The following RGS6 variants were observed in gnomAD, a reference collection of about 807,000 sequenced individuals.
RGS6 encodes regulator of G protein signaling 6, also known as regulator of G-protein signaling 6.
In RGS6, 30 loss-of-function variants were observed where a neutral mutation model predicts 78.5. That is an observed-to-expected ratio of 0.38 (90% CI 0.29 to 0.52). The LOEUF (loss-of-function observed/expected upper bound fraction) is 0.52. Among genes scored for constraint, RGS6 ranks in the 20% least tolerant of loss-of-function variants. The pLI is 0.85. For missense variants in RGS6, 495 were observed against 609.7 expected (o/e 0.81, Z 1.98); for synonymous variants, 206 against 206.0 (o/e 1.00, Z 0.00).
At chr14:72,222,973 C>T (rs892109961) in intron 2 of RGS6, among the ~76,000 whole-genome samples, 1 of 152,212 alleles carries the variant, frequency 6.6e-6, no homozygotes, top group African/African-American at 2.4e-5. Flanking sequence ...CTTCGTATCA[C>T]AAACTCCAAC....
intron 3 of RGS6, among the ~76,000 whole-genome samples, chr14:72,402,725 A>G (rs887103162): frequency 5.3e-5 from 8 of 151,638 alleles, no homozygotes; most frequent in Non-Finnish European, 8.8e-5. Flanking sequence ...TAGAACTACC[A>G]TACAACCCAG....
chr14:72,402,074 C>A (rs963974074), intron 3 of RGS6, among the ~76,000 whole-genome samples: 1 of 152,160 alleles, frequency 6.6e-6, no homozygotes, highest in Non-Finnish European at 1.5e-5. Context: ...CCAGCCAATC[C>A]GTGGGATCGG....
chr14:71,910,014 A>C, the RGS6 span, among the ~76,000 whole-genome samples: 1 of 151,924 alleles, frequency 6.6e-6, no homozygotes, highest in Non-Finnish European at 1.5e-5. Context: ...ATGATGAAAC[A>C]CTATCTCTAC....
intron 2 of RGS6, among the ~76,000 whole-genome samples, chr14:72,100,462 T>C (rs1393602723): frequency 6.6e-6 from 1 of 152,090 alleles, no homozygotes; most frequent in Non-Finnish European, 1.5e-5. Context: ...ACGACTGCAC[T>C]CCAGCCTGGG....
chr14:72,080,304 C>T (rs1476209581), intron 2 of RGS6, among the ~76,000 whole-genome samples: 1 of 151,796 alleles, frequency 6.6e-6, no homozygotes. Flanking sequence ...TTTTCATATA[C>T]CTGTTGGCCA....
At chr14:72,454,661 C>T in intron 4 of RGS6, 83 bp downstream of exon 4, 1 of 1,085,564 alleles carries the variant, frequency 9.2e-7, no homozygotes, top group South Asian at 1.4e-5. Flanking sequence ...ATTCCCCTGC[C>T]CTCCTGAGAA....
chr14:71,974,509 G>A (rs2094001568), intron 2 of RGS6, among the ~76,000 whole-genome samples: 2 of 152,102 alleles, frequency 1.3e-5, no homozygotes. Context: ...CTAATTTTAG[G>A]GGGATAGGAT....
chr14:72,264,439 T>G (rs1429722605), intron 2 of RGS6, among the ~76,000 whole-genome samples: 1 of 152,248 alleles, frequency 6.6e-6, no homozygotes, highest in Non-Finnish European at 1.5e-5. Flanking sequence ...AAAGCCACTA[T>G]GTATAAAATT....
chr14:71,963,183 G>C lies in RGS6; in HGVS notation c.-20-1589G>C, dbSNP rs1384193914. ...GTGTTTGGTATGTTTGTTTTAAAGGGAAATTAACAAAAGAAACCCAAAAGA... is the reference window on the plus strand; with the variant it reads ...GTGTTTGGTATGTTTGTTTTAAAGGCAAATTAACAAAAGAAACCCAAAAGA... On this transcript the variant is annotated intron_variant, in intron 1 of 17. Coordinates refer to ENST00000553525, the MANE Select transcript of RGS6 (RefSeq NM_001204424.2). 2.0e-5 allele frequency among the ~76,000 whole-genome samples: 3 copies of C among 152,096 alleles called. No homozygotes were observed. In the East Asian group the frequency reaches 5.8e-4, roughly 29 times the overall value.
intron 2 of RGS6, among the ~76,000 whole-genome samples, chr14:71,976,816 A>T (rs1365612674): frequency 6.7e-6 from 1 of 150,058 alleles, no homozygotes; most frequent in African/African-American, 2.4e-5. Flanking sequence ...TTCTAGTTCT[A>T]GATCCCTGAG....
intron 13 of RGS6, among the ~76,000 whole-genome samples, chr14:72,496,513 C>A (rs2096647501): frequency 6.6e-6 from 1 of 152,132 alleles, no homozygotes; most frequent in African/African-American, 2.4e-5. Flanking sequence ...CAACCTAATT[C>A]CAAAATTTAA....
intron 2 of RGS6, among the ~76,000 whole-genome samples, chr14:72,203,435 T>A (rs1373954659): frequency 3.3e-5 from 5 of 152,214 alleles, no homozygotes; most frequent in Admixed American, 3.3e-4. Context: ...CTCACAGCAC[T>A]GTGGGTAAAG....
intron 2 of RGS6, among the ~76,000 whole-genome samples, chr14:72,166,562 A>C (rs2096931079): frequency 6.6e-6 from 1 of 152,210 alleles, no homozygotes; most frequent in African/African-American, 2.4e-5. Context: ...AGCCAGGTGT[A>C]CTACTGAGGT....
chr14:72,445,804 A>G (rs935603854), intron 3 of RGS6, among the ~76,000 whole-genome samples: 1 of 152,208 alleles, frequency 6.6e-6, no homozygotes, highest in Non-Finnish European at 1.5e-5. Context: ...AGTGGGCATT[A>G]TGGGTTGAAT....
intron 2 of RGS6, among the ~76,000 whole-genome samples, chr14:72,034,155 G>T (rs1470521746): frequency 6.6e-6 from 1 of 152,046 alleles, no homozygotes; most frequent in Non-Finnish European, 1.5e-5. Context: ...ACTCCAATTT[G>T]GATGCCATTT....
At chr14:72,204,718 G>A (rs1014895857) in intron 2 of RGS6, among the ~76,000 whole-genome samples, 8 of 152,252 alleles carry the variant, frequency 5.3e-5, no homozygotes, top group Admixed American at 1.3e-4. Flanking sequence ...ATTCATGAGG[G>A]CTCTGTTCCC....
chr14:72,595,852 C>T, the RGS6 span, among the ~76,000 whole-genome samples: 6 of 152,172 alleles, frequency 3.9e-5, no homozygotes, highest in Non-Finnish European at 7.3e-5. Context: ...GTCTAGACTC[C>T]GCCCATTCGC....
Position 72,041,280 on chromosome 14 carries a change from G to C in RGS6, c.84+76405G>C, listed in dbSNP as rs114584320. Reference sequence around the variant, plus strand: ...GGCTAGAGATTCTGAGGGTCTCTGCGACCTTCTCTGGAGATGTGTCTTGTC... The same window carrying C: ...GGCTAGAGATTCTGAGGGTCTCTGCCACCTTCTCTGGAGATGTGTCTTGTC... On this transcript the variant is annotated intron_variant, in intron 2 of 17. Transcript: ENST00000553525. Among the ~76,000 whole-genome samples, 471 of 152,168 alleles carry C rather than the reference G, an allele frequency of 3.1e-3. 3 individuals carry two copies. The highest frequency in any genetic ancestry group is 0.011 in the African/African-American group (446 of 41,508).
intron 17 of RGS6, chr14:72,541,142 C>T (rs1331321484): frequency 7.3e-7 from 1 of 1,372,014 alleles, no homozygotes; most frequent in African/African-American, 1.5e-5. Context: ...GGCCACATTC[C>T]CTTCCCAAAG....
Sources: gnomAD v4.1 joint callset for allele counts (sites outside exome capture counted in the v4.1 genomes callset) on GRCh38, gnomAD v4.1.1 for gene constraint, MANE v1.5 for transcripts, NCBI Gene and HGNC (gene_info 2026-07-23, HGNC 2026-07-21) for gene names.